CSMD2: variants seen among roughly 807,000 people sequenced by gnomAD.
CSMD2 encodes the protein CUB and Sushi multiple domains 2.
In CSMD2, 130 loss-of-function variants were observed where a neutral mutation model predicts 398.5. That is an observed-to-expected ratio of 0.33 (90% CI 0.28 to 0.38). The LOEUF (loss-of-function observed/expected upper bound fraction) is 0.38, where lower values mean the gene tolerates loss of function less well. Among genes scored for constraint, CSMD2 ranks in the 10% least tolerant of loss-of-function variants. The pLI is 1.00. For synonymous variants in CSMD2, 1,828 were observed against 1,908.5 expected (o/e 0.96, Z 1.10); for missense variants, 3,829 against 4,764.9 (o/e 0.80, Z 5.78).
chr1:33,887,246 G>GAA (rs71767187), intron 5 of CSMD2, among the ~76,000 whole-genome samples: 65,310 of 148,860 alleles, frequency 0.44, 14,349 homozygotes, highest in East Asian at 0.53. Context: ...CATAAATTCA[G>GAA]AAAAAAAAAA....
At chr1:33,622,122 G>C (rs1331816151) in intron 37 of CSMD2, 45 bp downstream of exon 37, 4 of 1,438,074 alleles carry the variant, frequency 2.8e-6, no homozygotes, top group Non-Finnish European at 2.9e-6. Context: ...GCAACTTTTA[G>C]GTCCCACCCT....
chr1:33,652,559 C>T, intron 27 of CSMD2, 98 bp from the exon 28 acceptor site: 1 of 1,408,924 alleles, frequency 7.1e-7, no homozygotes, highest in South Asian at 1.3e-5. Context: ...GAGGCTGAGG[C>T]TGACAGGCTG....
At chr1:33,948,379 C>G (rs1644902296) in intron 3 of CSMD2, among the ~76,000 whole-genome samples, 1 of 152,210 alleles carries the variant, frequency 6.6e-6, no homozygotes, top group Non-Finnish European at 1.5e-5. Flanking sequence ...CACAGGCATA[C>G]TAACACACAC....
chr1:34,110,737 C>T (rs1352579757), intron 1 of CSMD2, among the ~76,000 whole-genome samples: 1 of 151,572 alleles, frequency 6.6e-6, no homozygotes, highest in Non-Finnish European at 1.5e-5. Flanking sequence ...ACACGAGGGA[C>T]TACCTGAGGG....
intron 56 of CSMD2, among the ~76,000 whole-genome samples, chr1:33,548,107 A>G (rs989235759): frequency 6.6e-6 from 1 of 152,150 alleles, no homozygotes; most frequent in Non-Finnish European, 1.5e-5. Context: ...CCATGATTGT[A>G]AGTTTCCTGA....
intron 3 of CSMD2, among the ~76,000 whole-genome samples, chr1:33,990,613 C>G (rs550428663): frequency 6.6e-6 from 1 of 152,250 alleles, no homozygotes; most frequent in Admixed American, 6.5e-5. Context: ...AATCAGTCAC[C>G]CCAAACTCAA....
At chr1:33,574,761 A>G (rs1659911609) in intron 49 of CSMD2, among the ~76,000 whole-genome samples, 1 of 152,226 alleles carries the variant, frequency 6.6e-6, no homozygotes, top group Non-Finnish European at 1.5e-5. Context: ...AGAAGGAATG[A>G]GAAATAAGAG....
chr1:34,144,216 C>G (rs568837782), intron 1 of CSMD2, among the ~76,000 whole-genome samples: 1 of 152,210 alleles, frequency 6.6e-6, no homozygotes, highest in African/African-American at 2.4e-5. Flanking sequence ...GTCCCAGTTA[C>G]CTCCAGCTGC....
chr1:33,652,234 G>C (rs1299829940), intron 28 of CSMD2, 89 bp downstream of exon 28: 1 of 1,383,172 alleles, frequency 7.2e-7, no homozygotes, highest in Non-Finnish European at 1.0e-6. Flanking sequence ...CTCTGCTACA[G>C]ACCTGTGAAT....
intron 3 of CSMD2, among the ~76,000 whole-genome samples, chr1:34,010,642 G>A (rs903459880): frequency 1.3e-5 from 2 of 150,096 alleles, no homozygotes; most frequent in Admixed American, 6.6e-5. Context: ...TTTTTGTGAC[G>A]GAGTCTCGCT....
intron 25 of CSMD2, among the ~76,000 whole-genome samples, chr1:33,679,030 C>T (rs189249467): frequency 3.9e-5 from 6 of 152,288 alleles, no homozygotes; most frequent in African/African-American, 1.2e-4. Context: ...CCTCATCACC[C>T]TGTCACTGGA....
rs1191760345 is a variant in CSMD2, at chr1:33,616,935, C to T, written c.5987G>A (p.Arg1996Gln). 1.9e-6 allele frequency: 3 copies of T among 1,614,140 alleles called. No individual in the cohort carries two copies. The highest frequency in any genetic ancestry group is 1.1e-5 in the South Asian group (1 of 91,066). Residue 1996 changes from arginine to glutamine, a missense_variant, in exon 39 of 71, where the codon CGA (arginine) becomes CAA (glutamine). Coordinates refer to ENST00000373381, the MANE Select transcript of CSMD2 (RefSeq NM_001281956.2). ...ACAGAGTGGAGGAGGGTAGTTCCAT[C>T]GCCGCACTGTTCCGGGCATGCAGGA... ...HISCMPGTVR[R>Q]WNYPPPLCIA...
chr1:33,558,213 T>C (rs549873300), intron 54 of CSMD2, among the ~76,000 whole-genome samples: 5 of 151,600 alleles, frequency 3.3e-5, no homozygotes, highest in Non-Finnish European at 7.3e-5. Flanking sequence ...TGTGACTTGT[T>C]TGAACACACG....
rs115804099 is a variant in CSMD2 at position 33,565,471 on chromosome 1, A to C, written c.8380+2122T>G. Among the ~76,000 whole-genome samples the C allele has an allele frequency of 6.9e-3, 1,046 of 152,310 alleles. 12 individuals are homozygous for C. The highest frequency in any genetic ancestry group is 0.024 in the African/African-American group (1,006 of 41,568). ...CAAAACCTTATATTAAAAAAAATAA[A>C]TAAACAAAACAAAGGCAAACATCCA... On this transcript the variant is annotated intron_variant, in intron 53 of 70. Transcript: ENST00000373381.
chr1:34,096,059 A>G (rs1159448174), intron 1 of CSMD2, among the ~76,000 whole-genome samples: 1 of 151,782 alleles, frequency 6.6e-6, no homozygotes, highest in African/African-American at 2.4e-5. Flanking sequence ...AAGATTATCC[A>G]CCATGATCAA....
At chr1:33,782,716 G>T (rs528586744) in intron 12 of CSMD2, among the ~76,000 whole-genome samples, 1 of 152,332 alleles carries the variant, frequency 6.6e-6, no homozygotes, top group Admixed American at 6.5e-5. Flanking sequence ...TTCTGAGCAT[G>T]TGTCCTGTGC....
At chr1:33,620,448 A>T (rs1641695470) in intron 37 of CSMD2, among the ~76,000 whole-genome samples, 1 of 152,198 alleles carries the variant, frequency 6.6e-6, no homozygotes, top group Admixed American at 6.5e-5. Context: ...AACACATGAA[A>T]TGTCAGCTAC....
At chr1:34,153,408 G>T (rs934327024) in intron 1 of CSMD2, among the ~76,000 whole-genome samples, 4 of 152,228 alleles carry the variant, frequency 2.6e-5, no homozygotes, top group Non-Finnish European at 5.9e-5. Context: ...AAAGCTGAAA[G>T]ATTATCATAT....
At chr1:33,768,536 ATGTG>A (rs60273744) in intron 13 of CSMD2, among the ~76,000 whole-genome samples, 58,587 of 141,832 alleles carry the variant, frequency 0.41, 12,784 homozygotes, top group Non-Finnish European at 0.5. Flanking sequence ...GTGTGCGTGC[ATGTG>A]TGTGTGTGTG....
Sources: gnomAD v4.1 joint callset for allele counts (sites outside exome capture counted in the v4.1 genomes callset) on GRCh38, gnomAD v4.1.1 for gene constraint, MANE v1.5 for transcripts, NCBI Gene and HGNC (gene_info 2026-07-23, HGNC 2026-07-21) for gene names.